Variants in BICC1 observed in about 807,000 individuals in gnomAD.
BICC1 encodes BicC family RNA binding protein 1.
BICC1 carries 43 observed loss-of-function variants against 111.0 expected under a neutral mutation model. The observed-to-expected ratio is 0.39, with a 90% CI of 0.30 to 0.50. The LOEUF is 0.50. Among genes scored for constraint, BICC1 ranks in the 20% least tolerant of loss-of-function variants. The pLI, the probability that BICC1 is intolerant of heterozygous loss-of-function variation, is 0.88. For missense variants in BICC1, 1,091 were observed against 1,203.2 expected (o/e 0.91, Z 1.38); for synonymous variants, 467 against 434.4 (o/e 1.07, Z -0.93).
intron 1 of BICC1, among the ~76,000 whole-genome samples, chr10:58,599,503 G>A (rs1382156038): frequency 6.6e-6 from 1 of 152,136 alleles, no homozygotes; most frequent in African/African-American, 2.4e-5. Flanking sequence ...CTTGTCAGTG[G>A]GTGAAGGGCT....
At position 58,686,194 on chromosome 10, in the gene BICC1, C is replaced by A. The variant is rs1206085162; in HGVS notation, c.238-15880C>A. ...CTTTAAGAATGTTGAATATTGGACC[C>A]CACTCTATTCTGGCTTGTAGAGTTT... On this transcript the variant is annotated intron_variant, in intron 2 of 20. Coordinates refer to ENST00000373886, the MANE Select transcript of BICC1 (RefSeq NM_001080512.3). Among the ~76,000 whole-genome samples the A allele has an allele frequency of 2.0e-5, 3 of 152,168 alleles. No individual in the cohort carries two copies. The East Asian group carries it at 5.8e-4, about 29-fold the overall frequency.
chr10:58,701,204 A>G (rs1464561183), intron 2 of BICC1, among the ~76,000 whole-genome samples: 1 of 152,220 alleles, frequency 6.6e-6, no homozygotes, highest in South Asian at 2.1e-4. Context: ...AATTCAAGTG[A>G]TTAAATTAAT....
intron 8 of BICC1, among the ~76,000 whole-genome samples, chr10:58,792,620 T>C (rs1363996377): frequency 6.6e-6 from 1 of 152,074 alleles, no homozygotes; most frequent in Non-Finnish European, 1.5e-5. Flanking sequence ...TGCAAGAGAT[T>C]TAGGTTGCAT....
At chr10:58,820,500 A>G in intron 20 of BICC1, 32 bp downstream of exon 20, 1 of 1,481,534 alleles carries the variant, frequency 6.7e-7, no homozygotes, top group South Asian at 1.1e-5. Flanking sequence ...ATATGTTAAA[A>G]TCTGAATAAC....
intron 2 of BICC1, among the ~76,000 whole-genome samples, chr10:58,651,756 T>C (rs1413865190): frequency 6.6e-6 from 1 of 152,198 alleles, no homozygotes; most frequent in Non-Finnish European, 1.5e-5. Flanking sequence ...TTTAACCTGC[T>C]ACATAAAATA....
intron 1 of BICC1, among the ~76,000 whole-genome samples, chr10:58,593,826 G>C (rs1273464858): frequency 6.6e-6 from 1 of 151,996 alleles, no homozygotes; most frequent in Non-Finnish European, 1.5e-5. Flanking sequence ...TCCTCCAAAG[G>C]ATCACAACTC....
At chr10:58,784,308 T>C (rs914342058) in intron 3 of BICC1, among the ~76,000 whole-genome samples, 3 of 152,144 alleles carry the variant, frequency 2.0e-5, no homozygotes, top group African/African-American at 7.2e-5. Flanking sequence ...AAAGATTTGG[T>C]GAATGAATGA....
At chr10:58,583,045 C>T (rs1400959084) in intron 1 of BICC1, among the ~76,000 whole-genome samples, 2 of 152,134 alleles carry the variant, frequency 1.3e-5, no homozygotes, top group Non-Finnish European at 2.9e-5. Flanking sequence ...CACAGAATTC[C>T]ATCACCCCAC....
intron 1 of BICC1, among the ~76,000 whole-genome samples, chr10:58,516,732 C>T (rs1842252179): frequency 1.3e-5 from 2 of 152,054 alleles, no homozygotes; most frequent in Non-Finnish European, 2.9e-5. Context: ...TACTGATCTT[C>T]AAATGTAAAT....
chr10:58,749,708 T>G (rs560961357), intron 3 of BICC1, among the ~76,000 whole-genome samples: 3 of 152,254 alleles, frequency 2.0e-5, no homozygotes, highest in Admixed American at 2.0e-4. Context: ...ATTTCTGCCA[T>G]TAAGTGCCCT....
At chr10:58,735,357 A>G (rs368538394) in intron 3 of BICC1, among the ~76,000 whole-genome samples, 2 of 152,294 alleles carry the variant, frequency 1.3e-5, no homozygotes, top group East Asian at 1.9e-4. Flanking sequence ...TTCCACTGCG[A>G]CATGCTGCAT....
chr10:58,636,275 A>G (rs1837951235), intron 2 of BICC1, among the ~76,000 whole-genome samples: 1 of 152,218 alleles, frequency 6.6e-6, no homozygotes, highest in Non-Finnish European at 1.5e-5. Context: ...AGAAAACCCA[A>G]TTCAACACTG....
chr10:58,538,168 A>G (rs1275651500), intron 1 of BICC1, among the ~76,000 whole-genome samples: 2 of 152,022 alleles, frequency 1.3e-5, no homozygotes, highest in Non-Finnish European at 2.9e-5. Context: ...AGCCAAAGCA[A>G]TCCTAAGCAA....
chr10:58,660,197 T>C (rs1295927653), intron 2 of BICC1, among the ~76,000 whole-genome samples: 1 of 152,160 alleles, frequency 6.6e-6, no homozygotes. Flanking sequence ...ACAGCCCTTA[T>C]AAACAGCAGC....
At chr10:58,638,013 G>A (rs528091757) in intron 2 of BICC1, among the ~76,000 whole-genome samples, 31 of 152,276 alleles carry the variant, frequency 2.0e-4, no homozygotes, top group African/African-American at 7.5e-4. Context: ...GATGTAGGAT[G>A]TAGTGGAATG....
intron 3 of BICC1, among the ~76,000 whole-genome samples, chr10:58,708,725 A>C (rs55635163): frequency 1 from 151,924 of 152,316 alleles, 75,767 homozygotes; most frequent in Middle Eastern, 1. Flanking sequence ...TTGCCTGCTT[A>C]CTTACTGTGC....
intron 1 of BICC1, among the ~76,000 whole-genome samples, chr10:58,537,896 T>A (rs1842863251): frequency 6.6e-6 from 1 of 151,614 alleles, no homozygotes; most frequent in Non-Finnish European, 1.5e-5. Context: ...CAAAAATATT[T>A]AGGAATATAT....
chr10:58,828,806 G>C lies in BICC1; in HGVS notation c.2840G>C (p.Arg947Pro), dbSNP rs757594836. Residue 947 changes from arginine (R) to proline (P), a missense_variant, in exon 21 of 21, where the codon CGC (arginine) becomes CCC (proline). By Grantham distance (103) the Arg-to-Pro change is moderately radical (BLOSUM62 -2). Transcript: ENST00000373886. ...AAGCTTTTTGAATCGCCAAATGCAC[G>C]CACCTCTTTCCTGGAAGGTGGAGCG... The part of the protein sequence containing the change: ...RRKLFESPNA[R>P]TSFLEGGASG... The C allele has an allele frequency of 6.2e-7, 1 of 1,613,660 alleles. No homozygotes were observed. Among genetic ancestry groups the C allele is most frequent in the Non-Finnish European group, 8.5e-7 (1 of 1,179,810 alleles).
At chr10:58,702,514 T>G (rs948270170) in intron 3 of BICC1, among the ~76,000 whole-genome samples, 4 of 149,532 alleles carry the variant, frequency 2.7e-5, no homozygotes, top group East Asian at 1.9e-4. Context: ...TAATAGCTGG[T>G]TTTTTTTTTC....
Sources: gnomAD v4.1 joint callset for allele counts (sites outside exome capture counted in the v4.1 genomes callset) on GRCh38, gnomAD v4.1.1 for gene constraint, MANE v1.5 for transcripts, NCBI Gene and HGNC (gene_info 2026-07-23, HGNC 2026-07-21) for gene names.